ROBO2: variants seen among roughly 807,000 people sequenced by gnomAD.
The protein encoded by ROBO2 is roundabout homolog 2.
A neutral mutation model predicts 160.8 loss-of-function variants in ROBO2; 53 were observed. That is an observed-to-expected ratio of 0.33 (90% CI 0.26 to 0.41). The LOEUF is 0.41. Ranked by LOEUF, ROBO2 falls within the 10% of genes least tolerant of loss-of-function variation. ROBO2 has a pLI of 1.00. For synonymous variants in ROBO2, 664 were observed against 611.7 expected (o/e 1.09, Z -1.26); for missense variants, 1,577 against 1,722.4 (o/e 0.92, Z 1.49).
intron 2 of ROBO2, among the ~76,000 whole-genome samples, chr3:76,447,461 A>G (rs1328948103): frequency 6.7e-6 from 1 of 149,096 alleles, no homozygotes; most frequent in African/African-American, 2.5e-5. Context: ...AAACTAGTTC[A>G]ACCATTGTGG....
At chr3:76,768,416 C>G (rs1285628341) in intron 2 of ROBO2, among the ~76,000 whole-genome samples, 6 of 151,372 alleles carry the variant, frequency 4.0e-5, no homozygotes, top group Admixed American at 6.6e-5. Flanking sequence ...GTTTTGCCAT[C>G]TTGATTTCGT....
intron 2 of ROBO2, among the ~76,000 whole-genome samples, chr3:77,181,688 C>T (rs1171946428): frequency 6.6e-6 from 1 of 151,958 alleles, no homozygotes; most frequent in African/African-American, 2.4e-5. Context: ...AATACTGTAA[C>T]TAAAAGAAAA....
At chr3:77,349,442 G>A (rs1309575281) in intron 2 of ROBO2, among the ~76,000 whole-genome samples, 2 of 152,028 alleles carry the variant, frequency 1.3e-5, no homozygotes, top group Non-Finnish European at 2.9e-5. Context: ...CATCCCTCAA[G>A]AACCTGGAAA....
At chr3:77,391,598 C>G (rs997785722) in intron 2 of ROBO2, among the ~76,000 whole-genome samples, 1 of 152,144 alleles carries the variant, frequency 6.6e-6, no homozygotes, top group Non-Finnish European at 1.5e-5. Flanking sequence ...ATTCAATTAA[C>G]TCCCACTGAG....
At chr3:76,264,914 T>G (rs2107606952) in intron 2 of ROBO2, among the ~76,000 whole-genome samples, 1 of 152,312 alleles carries the variant, frequency 6.6e-6, no homozygotes, top group Admixed American at 6.5e-5. Context: ...AAATGATACT[T>G]AATGTCTTCT....
intron 2 of ROBO2, among the ~76,000 whole-genome samples, chr3:76,213,546 A>G (rs542852277): frequency 6.6e-6 from 1 of 152,274 alleles, no homozygotes; most frequent in East Asian, 1.9e-4. Flanking sequence ...TTTTCTAAGG[A>G]AATTAATCAG....
At chr3:76,208,429 T>G (rs142440882) in intron 2 of ROBO2, among the ~76,000 whole-genome samples, 10 of 152,290 alleles carry the variant, frequency 6.6e-5, no homozygotes, top group African/African-American at 2.4e-4. Flanking sequence ...TTTAGTGTTC[T>G]CAAAAGTACT....
At chr3:76,693,202 G>T (rs977800150) in intron 2 of ROBO2, among the ~76,000 whole-genome samples, 10 of 144,950 alleles carry the variant, frequency 6.9e-5, no homozygotes, top group Non-Finnish European at 1.5e-4. Flanking sequence ...TATATATATA[G>T]TGTACATACA....
intron 2 of ROBO2, among the ~76,000 whole-genome samples, chr3:77,215,985 C>T (rs1392985965): frequency 1.3e-5 from 2 of 152,140 alleles, no homozygotes; most frequent in African/African-American, 4.8e-5. Flanking sequence ...TGTCAGTCTG[C>T]CACTACTGGG....
At chr3:76,832,623 A>G (rs1272287271) in intron 2 of ROBO2, among the ~76,000 whole-genome samples, 7 of 152,150 alleles carry the variant, frequency 4.6e-5, no homozygotes, top group African/African-American at 1.7e-4. Flanking sequence ...AGGGTGGTAT[A>G]ATTTAGATAA....
At chr3:76,724,198 C>T (rs1279170162) in intron 2 of ROBO2, among the ~76,000 whole-genome samples, 1 of 152,100 alleles carries the variant, frequency 6.6e-6, no homozygotes, top group Non-Finnish European at 1.5e-5. Context: ...CTTCTCCATC[C>T]AGCCCAAATC....
intron 2 of ROBO2, among the ~76,000 whole-genome samples, chr3:76,005,395 A>C (rs568807863): frequency 1.3e-5 from 2 of 152,204 alleles, no homozygotes; most frequent in African/African-American, 2.4e-5. Flanking sequence ...TGATGGTAGC[A>C]GTAGGAACTG....
At chr3:76,592,386 G>A (rs79430592) in intron 2 of ROBO2, among the ~76,000 whole-genome samples, 109 of 152,126 alleles carry the variant, frequency 7.2e-4, no homozygotes, top group Non-Finnish European at 1.3e-3. Context: ...AACCTAGACA[G>A]ATGCTCAAAA....
At chr3:77,376,461 C>T (rs1450808715) in intron 2 of ROBO2, among the ~76,000 whole-genome samples, 3 of 152,036 alleles carry the variant, frequency 2.0e-5, no homozygotes, top group Non-Finnish European at 2.9e-5. Context: ...CCCAGCTTAA[C>T]TTTCATTTTT....
chr3:77,096,745 C>T (rs560410475), intron 1 of ROBO2, among the ~76,000 whole-genome samples: 4 of 152,204 alleles, frequency 2.6e-5, no homozygotes, highest in South Asian at 2.1e-4. Flanking sequence ...CCACCGTGCC[C>T]GGCCTCTCTT....
In ROBO2 at chr3:76,396,848, T is replaced by C. The variant is rs1482842270; in HGVS notation, c.109+459246T>C. 9.9e-5 allele frequency among the ~76,000 whole-genome samples: 15 copies of C among 152,180 alleles called. No individual in the cohort carries two copies. The South Asian group carries it at 3.1e-3, about 32-fold the overall frequency. The stretch of plus-strand genomic sequence containing the variant: ...AGGATACAAACAAATGGAAGAACAT[T>C]CCATGCTCATGGGTAGGAAGAATCA... On this transcript the variant is annotated intron_variant, in intron 2 of 26. Coordinates refer to the ROBO2 transcript ENST00000487694.
intron 4 of ROBO2, among the ~76,000 whole-genome samples, chr3:77,492,256 T>A (rs2086217935): frequency 2.0e-5 from 3 of 152,186 alleles, no homozygotes; most frequent in Admixed American, 2.0e-4. Context: ...TATGGGCTAA[T>A]AAAATTTAAA....
chr3:76,889,466 A>G (rs2074171367), intron 2 of ROBO2, among the ~76,000 whole-genome samples: 1 of 152,206 alleles, frequency 6.6e-6, no homozygotes, highest in Non-Finnish European at 1.5e-5. Context: ...TAAAATCACC[A>G]AAAGAACATG....
chr3:75,968,639 A>G (rs1342353523), intron 2 of ROBO2, among the ~76,000 whole-genome samples: 1 of 151,616 alleles, frequency 6.6e-6, no homozygotes, highest in Non-Finnish European at 1.5e-5. Context: ...TACAGAATAC[A>G]ATATTATTAA....
Sources: allele counts gnomAD v4.1 joint callset (sites outside exome capture counted in the v4.1 genomes callset), GRCh38; gene constraint gnomAD v4.1.1; transcripts MANE v1.5; gene names NCBI Gene and HGNC (gene_info 2026-07-23, HGNC 2026-07-21).